Variants in PTBP3 observed in about 807,000 individuals in gnomAD.
The protein encoded by PTBP3 is polypyrimidine tract binding protein 3.
In PTBP3, 20 loss-of-function variants were observed where a neutral mutation model predicts 58.7. The ratio of observed to expected loss-of-function variants is 0.34; its 90% confidence interval spans 0.24 to 0.50. The LOEUF (loss-of-function observed/expected upper bound fraction) is 0.50. Among genes scored for constraint, PTBP3 ranks in the 20% least tolerant of loss-of-function variants. The probability of loss-of-function intolerance (pLI) is 0.98; values close to 1 mark genes in which losing one functional copy is unlikely to be tolerated. For synonymous variants in PTBP3, 185 were observed against 219.8 expected, an observed-to-expected ratio of 0.84 and a Z score of 1.40; for missense variants, 509 against 637.2, an observed-to-expected ratio of 0.80 and a Z score of 2.17.
intron 5 of PTBP3, among the ~76,000 whole-genome samples, chr9:112,255,426 T>C (rs1836305830): frequency 6.6e-6 from 1 of 152,178 alleles, no homozygotes; most frequent in Non-Finnish European, 1.5e-5. Flanking sequence ...AATCAATGTA[T>C]GTATTATACA....
intron 1 of PTBP3, among the ~76,000 whole-genome samples, chr9:112,305,300 C>T (rs1829131260): frequency 6.7e-6 from 1 of 148,880 alleles, no homozygotes; most frequent in African/African-American, 2.5e-5. Context: ...CTTGGGTCAC[C>T]AGACAGTCAT....
At chr9:112,369,381 C>A in the PTBP3 span, among the ~76,000 whole-genome samples, 10 of 152,270 alleles carry the variant, frequency 6.6e-5, no homozygotes, top group Non-Finnish European at 1.5e-4. Context: ...TGGAGCTGCC[C>A]AAGACCATGA....
At chr9:112,305,975 C>A (rs1437316234) in intron 1 of PTBP3, among the ~76,000 whole-genome samples, 1 of 151,866 alleles carries the variant, frequency 6.6e-6, no homozygotes, top group East Asian at 1.9e-4. Flanking sequence ...AAATAAAAAG[C>A]TTTCAGTGAC....
chr9:112,378,486 C>T, the PTBP3 span, among the ~76,000 whole-genome samples: 2 of 152,152 alleles, frequency 1.3e-5, no homozygotes, highest in African/African-American at 4.8e-5. Context: ...GATATTGTGG[C>T]TTTCAAAAAG....
intron 7 of PTBP3, among the ~76,000 whole-genome samples, chr9:112,237,987 A>G (rs1000316502): frequency 6.6e-6 from 1 of 152,176 alleles, no homozygotes; most frequent in Non-Finnish European, 1.5e-5. Flanking sequence ...TCCTGAACGT[A>G]GAGCCTTTAA....
chr9:112,291,985 G>A (rs1271567635), intron 2 of PTBP3, among the ~76,000 whole-genome samples: 1 of 151,864 alleles, frequency 6.6e-6, no homozygotes, highest in Non-Finnish European at 1.5e-5. Context: ...TTAATAATCA[G>A]AATACATAAA....
At chr9:112,341,240 T>G in the PTBP3 span, among the ~76,000 whole-genome samples, 2 of 152,174 alleles carry the variant, frequency 1.3e-5, no homozygotes, top group Non-Finnish European at 2.9e-5. Context: ...CAAGTGATTC[T>G]CCTGCCTCAG....
intron 3 of PTBP3, 34 bp from the exon 4 acceptor site, chr9:112,268,229 C>A: frequency 6.3e-7 from 1 of 1,581,744 alleles, no homozygotes; most frequent in South Asian, 1.2e-5. Flanking sequence ...AGTTAAAGCT[C>A]ATCTTTTTGA....
chr9:112,256,821 C>CT (rs1297816250), intron 5 of PTBP3, among the ~76,000 whole-genome samples: 1 of 151,316 alleles, frequency 6.6e-6, no homozygotes, highest in Non-Finnish European at 1.5e-5. Context: ...CTGCACCCAG[C>CT]TGGCAATATG....
chr9:112,352,438 T>C, the PTBP3 span, among the ~76,000 whole-genome samples: 1 of 152,344 alleles, frequency 6.6e-6, no homozygotes, highest in African/African-American at 2.4e-5. Flanking sequence ...AGGTCACTGT[T>C]AACCCTTCAG....
At chr9:112,299,033 G>A (rs894716984) in intron 1 of PTBP3, among the ~76,000 whole-genome samples, 3 of 152,110 alleles carry the variant, frequency 2.0e-5, no homozygotes, top group East Asian at 3.8e-4. Context: ...CTGAGATGTA[G>A]ATATTATCAG....
chr9:112,353,693 A>C, the PTBP3 span, among the ~76,000 whole-genome samples: 1 of 152,030 alleles, frequency 6.6e-6, no homozygotes, highest in African/African-American at 2.4e-5. Flanking sequence ...GAAGTAAATA[A>C]ATATAATATA....
intron 2 of PTBP3, among the ~76,000 whole-genome samples, chr9:112,285,824 C>A (rs1828088550): frequency 6.6e-6 from 1 of 152,138 alleles, no homozygotes; most frequent in Non-Finnish European, 1.5e-5. Context: ...GGATTTGGCC[C>A]ACAGGTAAGA....
chr9:112,359,137 A>T, the PTBP3 span, among the ~76,000 whole-genome samples: 1 of 151,996 alleles, frequency 6.6e-6, no homozygotes, highest in Admixed American at 6.5e-5. Flanking sequence ...ACCTGACCGC[A>T]TCTACTTTTA....
intron 7 of PTBP3, among the ~76,000 whole-genome samples, chr9:112,249,143 C>T (rs1172474090): frequency 6.6e-6 from 1 of 151,832 alleles, no homozygotes; most frequent in Non-Finnish European, 1.5e-5. Context: ...AAAAAAACAA[C>T]AGGAAAACAG....
intron 7 of PTBP3, among the ~76,000 whole-genome samples, chr9:112,240,956 G>A (rs1353188436): frequency 6.6e-6 from 1 of 152,036 alleles, no homozygotes; most frequent in Non-Finnish European, 1.5e-5. Context: ...TGAACAGCTT[G>A]TAAACAAAAA....
chr9:112,379,750 C>T, the PTBP3 span, among the ~76,000 whole-genome samples: 72 of 152,380 alleles, frequency 4.7e-4, no homozygotes, highest in African/African-American at 1.7e-3. Context: ...GTCACCCTCC[C>T]AGCTCGGAGC....
chr9:112,275,965 G>A lies in PTBP3; in HGVS notation c.83C>T (p.Ser28Leu), dbSNP rs559166507. ...KKFKRDRPPC[S>L]PSRVLHLRKI... ...TCGAAGATGGAGAACACGGGAAGGC[G>A]AACAGGGAGGTCTATCTCGTTTAAA... The change falls in exon 3 of 14, where the codon TCG becomes TTG. Residue 28 changes from serine (S) to leucine (L), a missense_variant. Physicochemically the swap from Ser to Leu is moderately radical, Grantham distance 145 (BLOSUM62 -2). Transcript: ENST00000374257. 2.1e-5 allele frequency: 34 copies of A among 1,613,534 alleles called. No individual in the cohort carries two copies. Among genetic ancestry groups the A allele is most frequent in the East Asian group, 4.5e-5 (2 of 44,852 alleles).
At chr9:112,320,951 T>C (rs530078195) in intron 1 of PTBP3, among the ~76,000 whole-genome samples, 3 of 152,320 alleles carry the variant, frequency 2.0e-5, no homozygotes, top group Admixed American at 1.3e-4. Flanking sequence ...TTCTCATCTT[T>C]GGAATAAGCA....
Sources: allele counts gnomAD v4.1 joint callset (sites outside exome capture counted in the v4.1 genomes callset), GRCh38; gene constraint gnomAD v4.1.1; transcripts MANE v1.5; gene names NCBI Gene and HGNC (gene_info 2026-07-23, HGNC 2026-07-21).